RP1: variants seen among roughly 807,000 people sequenced by gnomAD.
The protein encoded by RP1 is RP1 axonemal microtubule associated.
In RP1, 16 loss-of-function variants were observed where a neutral mutation model predicts 14.8. The ratio of observed to expected loss-of-function variants is 1.08; its 90% CI spans 0.73 to 1.65. RP1 has a LOEUF of 1.65. RP1 is among the 40% of genes most tolerant of loss of function. The pLI, the probability that RP1 is intolerant of heterozygous loss-of-function variation, is 0.00. For synonymous variants in RP1, 876 were observed against 883.6 expected, an observed-to-expected ratio of 0.99 and a Z score of 0.15; for missense variants, 2,631 against 2,535.0, an observed-to-expected ratio of 1.04 and a Z score of -0.81.
intron 24 of RP1, among the ~76,000 whole-genome samples, chr8:54,803,100 T>G (rs2129389753): frequency 6.6e-6 from 1 of 152,330 alleles, no homozygotes; most frequent in South Asian, 2.1e-4. Context: ...TTTCTACATC[T>G]TCTCAACTTG....
At chr8:54,606,141 T>C (rs545442645) in intron 1 of RP1, among the ~76,000 whole-genome samples, 3 of 152,348 alleles carry the variant, frequency 2.0e-5, no homozygotes, top group South Asian at 2.1e-4. Flanking sequence ...CTAACTTTGA[T>C]GGTCCTTACA....
exon 25 of RP1, chr8:54,837,498 G>A: frequency 8.1e-7 from 1 of 1,231,714 alleles, no homozygotes; most frequent in South Asian, 4.1e-5. Flanking sequence ...TATTGGACAT[G>A]ACAACACTGG....
chr8:54,705,819 CT>C (rs71554175), intron 14 of RP1, among the ~76,000 whole-genome samples: 395 of 141,176 alleles, frequency 2.8e-3, no homozygotes, highest in Middle Eastern at 0.015. Flanking sequence ...CCAATTTTAG[CT>C]TTTTTTTTTT....
intron 22 of RP1, among the ~76,000 whole-genome samples, chr8:54,764,327 G>T (rs1356217414): frequency 6.6e-6 from 1 of 152,246 alleles, no homozygotes; most frequent in East Asian, 1.9e-4. Flanking sequence ...CCTTCACTGT[G>T]TTCTCAGCTG....
At chr8:54,587,411 G>C (rs1045723028) in intron 1 of RP1, among the ~76,000 whole-genome samples, 1 of 143,786 alleles carries the variant, frequency 7.0e-6, no homozygotes, top group Non-Finnish European at 1.5e-5. Flanking sequence ...AGCTGACAGA[G>C]TGAGACCCTG....
chr8:54,744,654 A>G (rs1474557907), intron 19 of RP1, among the ~76,000 whole-genome samples: 1 of 152,140 alleles, frequency 6.6e-6, no homozygotes, highest in African/African-American at 2.4e-5. Flanking sequence ...ATAGGTGACT[A>G]CCATCTTCTG....
At chr8:54,750,202 A>G (rs960247770) in intron 19 of RP1, among the ~76,000 whole-genome samples, 1 of 152,218 alleles carries the variant, frequency 6.6e-6, no homozygotes, top group Non-Finnish European at 1.5e-5. Context: ...CTGATCTCCA[A>G]TCTCTGAGAT....
chr8:54,750,737 C>T (rs1809344538), intron 19 of RP1, among the ~76,000 whole-genome samples: 1 of 89,538 alleles, frequency 1.1e-5, no homozygotes, highest in East Asian at 2.8e-4. Flanking sequence ...AATCAGTGCT[C>T]TGTACCTAAC....
intron 24 of RP1, among the ~76,000 whole-genome samples, chr8:54,785,630 C>T (rs1810298978): frequency 6.6e-6 from 1 of 152,034 alleles, no homozygotes; most frequent in East Asian, 1.9e-4. Flanking sequence ...AGTAGCTGCA[C>T]CATTTTTACA....
intron 24 of RP1, among the ~76,000 whole-genome samples, chr8:54,798,022 A>G (rs535554122): frequency 5.9e-4 from 89 of 151,592 alleles, no homozygotes; most frequent in African/African-American, 2.1e-3. Flanking sequence ...CCTTTTATTT[A>G]TTTTTATTTG....
chr8:54,562,820 T>C (rs2129290286), intron 1 of RP1, among the ~76,000 whole-genome samples: 1 of 152,372 alleles, frequency 6.6e-6, no homozygotes, highest in South Asian at 2.1e-4. Context: ...TTCTTTCACA[T>C]AGAAGAGCAA....
chr8:54,780,800 C>G (rs1810168459), intron 23 of RP1: 1 of 355,880 alleles, frequency 2.8e-6, no homozygotes, highest in South Asian at 1.1e-4. Context: ...ATGGGGGTTT[C>G]TGGAACCAAT....
intron 1 of RP1, among the ~76,000 whole-genome samples, chr8:54,564,136 AGT>A (rs1046053937): frequency 1.3e-5 from 2 of 152,206 alleles, no homozygotes; most frequent in African/African-American, 4.8e-5. Flanking sequence ...TGGTCAGCAC[AGT>A]GGACAGATGC....
Position 54,626,245 on chromosome 8 carries a change from G to T in RP1, c.2363G>T (p.Gly788Val), listed in dbSNP as rs149849388. The T allele has an allele frequency of 6.2e-7, 1 of 1,612,968 alleles. No homozygotes were observed. The highest frequency in any genetic ancestry group is 2.2e-5 in the East Asian group (1 of 44,796). Reference protein sequence around the residue: ...KSRSLNKISLGAPKKREIGQR... With the variant: ...KSRSLNKISLVAPKKREIGQR... ...AGATCACTAAATAAAATAAGCTTAG[G>T]AGCACCTAAAAAAAGAGAAATCGGT... is the stretch of plus-strand genomic sequence containing the variant. Residue 788 changes from glycine (G) to valine (V), a missense_variant, in exon 4 of 4, where the codon GGA (glycine) becomes GTA (valine). By Grantham distance (109) the Gly-to-Val change is moderately radical. Transcript: ENST00000220676.
In RP1 at chr8:54,861,954, C is replaced by T. The variant is rs186416432; in HGVS notation, c.4070-3881C>T. On this transcript the variant is annotated intron_variant, in intron 27 of 28. Transcript: ENST00000637698. ...CAAGAGTTCTTCTAGGAGGGTGGTT[C>T]CCAACTGGGGGCAAATTTGCGCCCT... is the stretch of plus-strand genomic sequence containing the variant. Among the ~76,000 whole-genome samples the T allele has an allele frequency of 4.7e-4, 71 of 152,200 alleles. 2 individuals are homozygous for T. In the East Asian group the frequency reaches 0.011, roughly 24 times the overall value.
At chr8:54,832,033 AT>A (rs1811542565) in intron 24 of RP1, among the ~76,000 whole-genome samples, 1 of 151,774 alleles carries the variant, frequency 6.6e-6, no homozygotes, top group African/African-American at 2.4e-5. Flanking sequence ...TCTTACTACT[AT>A]TCTCCTATAT....
chr8:54,817,279 A>C (rs1811156360), intron 24 of RP1, among the ~76,000 whole-genome samples: 1 of 152,186 alleles, frequency 6.6e-6, no homozygotes, highest in Non-Finnish European at 1.5e-5. Flanking sequence ...GACTGAATAC[A>C]TGGCTAAGAA....
At chr8:54,631,293 A>G (rs1403706363), downstream of RP1, among the ~76,000 whole-genome samples, 2 of 152,224 alleles carry the variant, frequency 1.3e-5, no homozygotes, top group African/African-American at 4.8e-5. Context: ...TTAAAAAAAC[A>G]TTAAGTGATG....
chr8:54,809,252 G>A (rs1020520407), intron 24 of RP1, among the ~76,000 whole-genome samples: 2 of 152,132 alleles, frequency 1.3e-5, no homozygotes, highest in African/African-American at 4.8e-5. Flanking sequence ...TGCTAACATG[G>A]TATGCCATCA....
Sources: gnomAD v4.1 joint callset for allele counts (sites outside exome capture counted in the v4.1 genomes callset) on GRCh38, gnomAD v4.1.1 for gene constraint, MANE v1.5 for transcripts, NCBI Gene and HGNC (gene_info 2026-07-23, HGNC 2026-07-21) for gene names.